The following UNC79 variants were observed in gnomAD, a reference collection of about 807,000 sequenced individuals.
The protein encoded by UNC79 is unc-79 subunit of NALCN channel complex.
In UNC79, 37 loss-of-function variants were observed where a neutral mutation model predicts 283.1. The ratio of observed to expected loss-of-function variants is 0.13; its 90% CI spans 0.10 to 0.17. UNC79 has a LOEUF of 0.17. Ranked by LOEUF, UNC79 falls within the 10% of genes least tolerant of loss-of-function variation. The pLI, the probability that UNC79 is intolerant of heterozygous loss-of-function variation, is 1.00. For synonymous variants in UNC79, 1,107 were observed against 1,200.2 expected, an observed-to-expected ratio of 0.92 and a Z score of 1.61; for missense variants, 2,272 against 3,211.1, an observed-to-expected ratio of 0.71 and a Z score of 7.07.
intron 1 of UNC79, among the ~76,000 whole-genome samples, chr14:93,336,945 C>T (rs11627224): frequency 0.074 from 11,193 of 152,202 alleles, 873 homozygotes; most frequent in African/African-American, 0.19. Context: ...TGGCTTCACA[C>T]TATCCCCTTG....
intron 41 of UNC79, 118 bp from the exon 45 acceptor site, chr14:93,682,499 A>G (rs2073926485): frequency 3.5e-6 from 3 of 868,234 alleles, no homozygotes; most frequent in Non-Finnish European, 5.5e-6. Context: ...TGATCTATCC[A>G]AGGCAGATCG....
chr14:93,374,710 T>A (rs540472146), intron 1 of UNC79, among the ~76,000 whole-genome samples: 1 of 152,148 alleles, frequency 6.6e-6, no homozygotes, highest in Non-Finnish European at 1.5e-5. Flanking sequence ...GGCTAATTTT[T>A]AAAAAATATT....
At chr14:93,491,845 G>A (rs184572052) in intron 5 of UNC79, among the ~76,000 whole-genome samples, 1 of 152,284 alleles carries the variant, frequency 6.6e-6, no homozygotes, top group East Asian at 1.9e-4. Context: ...ATGAGGAAAT[G>A]TTTATAACCA....
At chr14:93,682,842 G>A (rs918594739) in intron 42 of UNC79, 148 bp downstream of exon 45, 1 of 678,652 alleles carries the variant, frequency 1.5e-6, no homozygotes, top group Non-Finnish European at 2.4e-6. Flanking sequence ...ATAATTCTTT[G>A]ATTCATAACA....
At chr14:93,682,067 G>A (rs2073890299) in intron 41 of UNC79, among the ~76,000 whole-genome samples, 2 of 152,206 alleles carry the variant, frequency 1.3e-5, no homozygotes, top group African/African-American at 4.8e-5. Flanking sequence ...TACAATGGAA[G>A]TGTGTGAAAA....
At chr14:93,451,117 G>GTT (rs763243720) in intron 1 of UNC79, among the ~76,000 whole-genome samples, 2,074 of 145,152 alleles carry the variant, frequency 0.014, 23 homozygotes, top group Middle Eastern at 0.036. Context: ...TTAATAACAG[G>GTT]TTTTTTTTTT....
exon 30 of UNC79, chr14:93,622,618 G>A: frequency 6.2e-7 from 1 of 1,614,196 alleles, no homozygotes; most frequent in Non-Finnish European, 8.5e-7. Context: ...AAGATGCAGA[G>A]AACCCCACAG....
chr14:93,351,508 G>A (rs1485408746), intron 1 of UNC79, among the ~76,000 whole-genome samples: 2 of 152,166 alleles, frequency 1.3e-5, no homozygotes, highest in East Asian at 3.8e-4. Flanking sequence ...TGTGCCAGGT[G>A]TTATGTGAGG....
intron 24 of UNC79, 147 bp from the exon 25 acceptor site, chr14:93,600,422 T>C (rs1347832366): frequency 3.7e-6 from 2 of 534,412 alleles, no homozygotes; most frequent in Non-Finnish European, 6.4e-6. Context: ...TCAAAAAAGA[T>C]TCCAGTGGGA....
At chr14:93,571,942 G>A (rs988425715) in exon 15 of UNC79, 4 of 1,614,138 alleles carry the variant, frequency 2.5e-6, no homozygotes, top group Non-Finnish European at 3.4e-6. Flanking sequence ...TCAGCTGAAG[G>A]AAGGTCTCAA....
At chr14:93,450,975 C>T (rs2056620072) in intron 1 of UNC79, among the ~76,000 whole-genome samples, 1 of 152,018 alleles carries the variant, frequency 6.6e-6, no homozygotes, top group African/African-American at 2.4e-5. Context: ...TCAATTGTAT[C>T]TTCTAAACCT....
intron 30 of UNC79, among the ~76,000 whole-genome samples, chr14:93,630,154 T>G (rs867033986): frequency 4.6e-5 from 7 of 152,250 alleles, no homozygotes; most frequent in Admixed American, 1.3e-4. Flanking sequence ...GAATTAATCA[T>G]GCATATTTAT....
At chr14:93,536,782 C>CCTTTTTT (rs1567069571) in intron 11 of UNC79, among the ~76,000 whole-genome samples, 10 of 82,436 alleles carry the variant, frequency 1.2e-4, no homozygotes, top group South Asian at 5.7e-4. Context: ...CCACCCCCGG[C>CCTTTTTT]TTTTTTTTTT....
chr14:93,509,322 T>C (rs1360398039), intron 7 of UNC79, among the ~76,000 whole-genome samples: 1 of 151,996 alleles, frequency 6.6e-6, no homozygotes, highest in Non-Finnish European at 1.5e-5. Flanking sequence ...CTCCAAAATA[T>C]CATGTCCTTT....
chr14:93,683,883 G>C (rs547522670), intron 42 of UNC79, among the ~76,000 whole-genome samples: 1 of 151,596 alleles, frequency 6.6e-6, no homozygotes, highest in Non-Finnish European at 1.5e-5. Flanking sequence ...GGGCATGAAG[G>C]ACATATAGGA....
chr14:93,348,991 T>G (rs1282779625), intron 1 of UNC79, among the ~76,000 whole-genome samples: 1 of 152,244 alleles, frequency 6.6e-6, no homozygotes, highest in Non-Finnish European at 1.5e-5. Flanking sequence ...TAAATCTTGC[T>G]GCTGCTCACT....
intron 17 of UNC79, 90 bp downstream of exon 17, chr14:93,575,288 A>C (rs2063409793): frequency 6.5e-7 from 1 of 1,546,036 alleles, no homozygotes; most frequent in African/African-American, 1.4e-5. Flanking sequence ...CTGTCATAAG[A>C]AACCAAAAAT....
intron 1 of UNC79, among the ~76,000 whole-genome samples, chr14:93,453,626 C>T (rs371318712): frequency 6.6e-6 from 1 of 152,272 alleles, no homozygotes; most frequent in South Asian, 2.1e-4. Context: ...GCTCATAAGT[C>T]GCTCTTTCAG....
chr14:93,579,369 A>G (rs1214130596), intron 18 of UNC79, among the ~76,000 whole-genome samples: 1 of 152,338 alleles, frequency 6.6e-6, no homozygotes, highest in East Asian at 1.9e-4. Flanking sequence ...GTTAGCATCA[A>G]TGGATGACTC....
Sources: allele counts gnomAD v4.1 joint callset (sites outside exome capture counted in the v4.1 genomes callset), GRCh38; gene constraint gnomAD v4.1.1; transcripts MANE v1.5; gene names NCBI Gene and HGNC (gene_info 2026-07-23, HGNC 2026-07-21).